Variants in PARVB observed in about 807,000 individuals in gnomAD.
The protein encoded by PARVB is parvin beta.
Under a neutral mutation model 47.0 loss-of-function variants are expected in PARVB, and 46 were observed. The observed-to-expected ratio is 0.98, with a 90% CI of 0.77 to 1.25. The LOEUF is 1.25. PARVB is among the 50% of genes most tolerant of loss of function. The probability of loss-of-function intolerance (pLI) is 0.00; values close to 1 mark genes in which losing one functional copy is unlikely to be tolerated. For synonymous variants in PARVB, 196 were observed against 196.3 expected (o/e 1.00, Z 0.01); for missense variants, 473 against 471.6 (o/e 1.00, Z -0.03).
rs1242116852 is a variant in PARVB, at chr22:44,148,105, T to C, written c.774+183T>C. The stretch of plus-strand genomic sequence containing the variant: ...GTGCATAAAATCAGCGCCTTTTAAC[T>C]CAACCTCGCTGCTCCCTGGGTGTCT... On this transcript the variant is annotated intron_variant, in intron 9 of 12. Coordinates refer to ENST00000338758, the MANE Select transcript of PARVB (RefSeq NM_013327.5). 6 of 617,064 alleles carry C rather than the reference T, an allele frequency of 9.7e-6. No homozygotes were observed. In the East Asian group the frequency reaches 1.7e-4, roughly 17 times the overall value. The allele number at this position is 617,064 out of a possible 1,614,324, so 38.2% of individuals were successfully genotyped here.
At chr22:44,158,485 C>T (rs1305996120) in intron 11 of PARVB, among the ~76,000 whole-genome samples, 2 of 152,212 alleles carry the variant, frequency 1.3e-5, no homozygotes. Flanking sequence ...CTGTTACCAG[C>T]GTCTTTCCAT....
chr22:44,088,703 C>T (rs1359403703), intron 1 of PARVB, among the ~76,000 whole-genome samples: 1 of 152,128 alleles, frequency 6.6e-6, no homozygotes, highest in Non-Finnish European at 1.5e-5. Flanking sequence ...AAGTCCTGAC[C>T]TCAGGTGATT....
At chr22:44,053,511 A>G (rs1484460669) in intron 1 of PARVB, among the ~76,000 whole-genome samples, 3 of 152,236 alleles carry the variant, frequency 2.0e-5, no homozygotes, top group Non-Finnish European at 4.4e-5. Context: ...ATGCCTGGGA[A>G]AGCCCAGACT....
Position 44,172,505 on chromosome 22 carries a change from GACGTGTCTCTCA to G in PARVB, c.*3830_*3841del, listed in dbSNP as rs1196737303. On this transcript the variant is annotated 3_prime_UTR_variant, in exon 13 of 13. Coordinates refer to ENST00000338758, the MANE Select transcript of PARVB (RefSeq NM_013327.5). Reference sequence around the variant, plus strand: ...ATTTGCTGATTCTCCTTCTCCATGTGACGTGTCTCTCAACCCACACCAGCTAGGGGAGCCTCC... The same window carrying G: ...ATTTGCTGATTCTCCTTCTCCATGTGACCCACACCAGCTAGGGGAGCCTCC... 6.1e-6 allele frequency: 1 copy of G among 163,712 alleles called. No individual in the cohort carries two copies. The highest frequency in any genetic ancestry group is 1.4e-5 in the Non-Finnish European group (1 of 73,812). The allele number at this position is 163,712 out of a possible 1,614,324, so 10.1% of individuals were successfully genotyped here.
chr22:44,082,757 T>A (rs1004867456), intron 1 of PARVB, among the ~76,000 whole-genome samples: 1 of 152,216 alleles, frequency 6.6e-6, no homozygotes, highest in African/African-American at 2.4e-5. Flanking sequence ...GGATTCATTT[T>A]TCTGTGGTTC....
At chr22:44,148,245 G>T (rs376801204) in intron 9 of PARVB, 21 of 382,686 alleles carry the variant, frequency 5.5e-5, no homozygotes, top group Non-Finnish European at 9.1e-5. Context: ...TGCTGCTCTC[G>T]CTGGCCTCAT....
intron 1 of PARVB, among the ~76,000 whole-genome samples, chr22:44,053,208 C>T (rs1319129282): frequency 1.3e-5 from 2 of 151,704 alleles, no homozygotes; most frequent in African/African-American, 2.4e-5. Flanking sequence ...CTCAGCCTCC[C>T]GAGTAGCTGG....
Position 44,116,538 on chromosome 22 carries a change from G to A in PARVB, c.274-2500G>A, listed in dbSNP as rs1320856164. 2.0e-5 allele frequency among the ~76,000 whole-genome samples: 3 copies of A among 152,220 alleles called. No individual in the cohort carries two copies. In the East Asian group the frequency reaches 5.8e-4, roughly 29 times the overall value. On this transcript the variant is annotated intron_variant, in intron 3 of 12. Transcript: ENST00000338758. Reference sequence around the variant, plus strand: ...CCTGGTCCGCAGTGGTGCCTAGTAAGTTAGTCCACCCATTCACCACATCCT... The same window carrying A: ...CCTGGTCCGCAGTGGTGCCTAGTAAATTAGTCCACCCATTCACCACATCCT...
chr22:44,029,181 C>T (rs894875592), intron 1 of PARVB, among the ~76,000 whole-genome samples: 4 of 151,942 alleles, frequency 2.6e-5, no homozygotes, highest in East Asian at 1.9e-4. Context: ...GATGGGGTCT[C>T]GCTATGTTAC....
intron 1 of PARVB, among the ~76,000 whole-genome samples, chr22:44,082,937 C>T (rs142858145): frequency 5.7e-4 from 87 of 152,186 alleles, no homozygotes; most frequent in Non-Finnish European, 1.1e-3. Flanking sequence ...CTCCTTCCAT[C>T]TCGGGGTGGT....
intron 1 of PARVB, among the ~76,000 whole-genome samples, chr22:44,038,618 TA>T (rs2050962976): frequency 2.0e-5 from 3 of 151,888 alleles, no homozygotes; most frequent in Admixed American, 1.3e-4. Flanking sequence ...CCATCTCTAC[TA>T]AAAAATACAA....
At chr22:44,023,576 A>C (rs2050680621), upstream of PARVB, among the ~76,000 whole-genome samples, 1 of 149,382 alleles carries the variant, frequency 6.7e-6, no homozygotes, top group African/African-American at 2.5e-5. Context: ...ATAAAATAAA[A>C]TAAAATAAAA....
In PARVB at chr22:44,131,496, C is replaced by T. The variant is rs1162543806; in HGVS notation, c.386C>T (p.Ala129Val). 3 of 1,613,318 alleles carry T rather than the reference C, an allele frequency of 1.9e-6. No individual in the cohort carries two copies. The highest frequency in any genetic ancestry group is 1.7e-6 in the Non-Finnish European group (2 of 1,179,804). Reference protein sequence around the residue: ...QVLQKLLEKLAGCKLNVAEVT... With the variant: ...QVLQKLLEKLVGCKLNVAEVT... ...GTGCTTCTCATTGCAGAAAAACTGG[C>T]AGGGTGCAAGCTGAATGTGGCTGAG... The change falls in exon 5 of 13, where the codon GCA becomes GTA. Residue 129 changes from alanine to valine, a missense_variant. Physicochemically the swap from Ala to Val is moderately conservative, Grantham distance 64 (BLOSUM62 0). Coordinates refer to ENST00000338758, the MANE Select transcript of PARVB (RefSeq NM_013327.5).
chr22:44,063,922 G>A (rs1055112127), intron 1 of PARVB, among the ~76,000 whole-genome samples: 4 of 152,186 alleles, frequency 2.6e-5, no homozygotes, highest in South Asian at 2.1e-4. Context: ...AGGCCTCCCC[G>A]GCTTCCCATT....
At chr22:44,017,299 G>T (rs1320172507) in intron 2 of PARVB, among the ~76,000 whole-genome samples, 1 of 152,206 alleles carries the variant, frequency 6.6e-6, no homozygotes, top group Non-Finnish European at 1.5e-5. Context: ...TTGAGTGAAT[G>T]AATGCAGTGC....
At chr22:44,109,079 T>C (rs904949818) in intron 3 of PARVB, 12 of 79,582 alleles carry the variant, frequency 1.5e-4, no homozygotes, top group African/African-American at 7.0e-4. Context: ...TTAAGTTCTG[T>C]TTTCTTCCTC....
intron 3 of PARVB, among the ~76,000 whole-genome samples, chr22:44,100,554 T>C (rs1279949279): frequency 7.2e-5 from 11 of 152,122 alleles, no homozygotes; most frequent in Admixed American, 6.5e-5. Context: ...CTGATGCCGA[T>C]GCCTGCGCTG....
At chr22:44,120,646 C>T (rs2053023802) in intron 4 of PARVB, among the ~76,000 whole-genome samples, 1 of 152,062 alleles carries the variant, frequency 6.6e-6, no homozygotes, top group Non-Finnish European at 1.5e-5. Flanking sequence ...TGTAAAGGTG[C>T]TTCTTTCCTG....
At position 44,048,159 on chromosome 22, in the gene PARVB, T is replaced by C. The variant is rs117367649; in HGVS notation, c.112+23708T>C. On this transcript the variant is annotated intron_variant, in intron 1 of 12. Coordinates refer to ENST00000338758, the MANE Select transcript of PARVB (RefSeq NM_013327.5). ...GGAGTTGAGCTTCCTGGAAGGCCCA[T>C]AGGAGAGGCGAGACTGAAATCTTCT... is the stretch of plus-strand genomic sequence containing the variant. Among the ~76,000 whole-genome samples the C allele has an allele frequency of 3.4e-4, 51 of 152,204 alleles. No homozygotes were observed. In the East Asian group the frequency reaches 9.5e-3, roughly 28 times the overall value.
Sources: gnomAD v4.1 joint callset for allele counts (sites outside exome capture counted in the v4.1 genomes callset) on GRCh38, gnomAD v4.1.1 for gene constraint, MANE v1.5 for transcripts, NCBI Gene and HGNC (gene_info 2026-07-23, HGNC 2026-07-21) for gene names.